The following PEX5L variants were observed in gnomAD, a reference collection of about 807,000 sequenced individuals.
The protein encoded by PEX5L is PEX5-related protein.
Under a neutral mutation model 84.0 loss-of-function variants are expected in PEX5L, and 30 were observed. That is an observed-to-expected ratio of 0.36 (90% confidence interval 0.27 to 0.48). The LOEUF is 0.48. Ranked by LOEUF, PEX5L falls within the 20% of genes least tolerant of loss-of-function variation. The pLI is 0.99. For synonymous variants in PEX5L, 270 were observed against 283.1 expected, an observed-to-expected ratio of 0.95 and a Z score of 0.46; for missense variants, 533 against 754.6, an observed-to-expected ratio of 0.71 and a Z score of 3.44.
At chr3:179,871,215 G>T (rs1467185267) in intron 7 of PEX5L, among the ~76,000 whole-genome samples, 1 of 146,926 alleles carries the variant, frequency 6.8e-6, no homozygotes, top group African/African-American at 2.5e-5. Flanking sequence ...CAATTTTCAT[G>T]CCTCAGCCTC....
chr3:179,972,835 A>G (rs1785105017), intron 1 of PEX5L, among the ~76,000 whole-genome samples: 1 of 152,046 alleles, frequency 6.6e-6, no homozygotes, highest in East Asian at 1.9e-4. Context: ...TTACTGTAAT[A>G]AAGAGATTTC....
chr3:180,027,263 G>T (rs141583561), intron 1 of PEX5L, among the ~76,000 whole-genome samples: 5 of 152,170 alleles, frequency 3.3e-5, no homozygotes, highest in Admixed American at 3.3e-4. Context: ...CTCTGCCCCT[G>T]CCTGTTCCCT....
intron 2 of PEX5L, among the ~76,000 whole-genome samples, chr3:179,934,428 C>A (rs942034589): frequency 3.7e-4 from 57 of 152,154 alleles, no homozygotes; most frequent in African/African-American, 1.3e-3. Context: ...GCACTAAGAA[C>A]CTTCATGAAC....
At chr3:180,024,259 C>T (rs1035109696) in intron 1 of PEX5L, among the ~76,000 whole-genome samples, 53 of 150,126 alleles carry the variant, frequency 3.5e-4, no homozygotes, top group Admixed American at 1.9e-3. Context: ...TAACTGTGCC[C>T]GGCACTTTGG....
chr3:179,871,101 T>TTC (rs1491524123), intron 7 of PEX5L, among the ~76,000 whole-genome samples: 19 of 23,566 alleles, frequency 8.1e-4, no homozygotes, highest in African/African-American at 4.9e-3. Context: ...TGAGTTATAC[T>TTC]TTTTTTTTTT....
intron 1 of PEX5L, among the ~76,000 whole-genome samples, chr3:180,007,876 A>G (rs1789067184): frequency 6.6e-6 from 1 of 152,060 alleles, no homozygotes; most frequent in Non-Finnish European, 1.5e-5. Context: ...CCATGAGGCC[A>G]CCTTTTCTTC....
intron 8 of PEX5L, among the ~76,000 whole-genome samples, chr3:179,829,610 C>A (rs370724790): frequency 5.7e-4 from 87 of 152,206 alleles, no homozygotes; most frequent in Non-Finnish European, 1.2e-3. Context: ...CACCCGGGGG[C>A]GGCATTTATA....
At chr3:179,847,239 TATTG>T (rs1560356125) in intron 8 of PEX5L, among the ~76,000 whole-genome samples, 1 of 152,080 alleles carries the variant, frequency 6.6e-6, no homozygotes, top group Non-Finnish European at 1.5e-5. Context: ...GATATCTGTA[TATTG>T]ATTGATATAT....
intron 1 of PEX5L, among the ~76,000 whole-genome samples, chr3:179,994,361 C>G (rs140954972): frequency 4.6e-5 from 7 of 152,196 alleles, no homozygotes; most frequent in Non-Finnish European, 8.8e-5. Flanking sequence ...TGTGTGATGT[C>G]TTCTGGTTGT....
At chr3:179,979,278 A>G (rs542013258) in intron 1 of PEX5L, among the ~76,000 whole-genome samples, 1 of 152,320 alleles carries the variant, frequency 6.6e-6, no homozygotes, top group South Asian at 2.1e-4. Context: ...ATGTTCTTCT[A>G]AACAGAAAAT....
chr3:179,830,464 G>A (rs1250903528), intron 8 of PEX5L, among the ~76,000 whole-genome samples: 1 of 152,152 alleles, frequency 6.6e-6, no homozygotes, highest in Non-Finnish European at 1.5e-5. Flanking sequence ...TGAAAAGCTG[G>A]AGGGAGCTTC....
chr3:179,949,359 C>G (rs1381628862), intron 2 of PEX5L, among the ~76,000 whole-genome samples: 1 of 151,970 alleles, frequency 6.6e-6, no homozygotes. Context: ...TTTGTCTTGC[C>G]TTTGTTTTTG....
intron 11 of PEX5L, among the ~76,000 whole-genome samples, chr3:179,810,542 T>C (rs972684794): frequency 2.0e-5 from 3 of 151,868 alleles, no homozygotes; most frequent in African/African-American, 7.3e-5. Flanking sequence ...ATCTGGGGTG[T>C]CTTATAAAAT....
At chr3:179,816,799 C>A (rs1423753941) in intron 9 of PEX5L, among the ~76,000 whole-genome samples, 5 of 148,316 alleles carry the variant, frequency 3.4e-5, no homozygotes, top group Admixed American at 3.3e-4. Context: ...ATTTAAATTT[C>A]TGCTTTTCCT....
At position 179,816,732 on chromosome 3, in the gene PEX5L, A is replaced by G. The variant is rs142059425; in HGVS notation, c.940-728T>C. 5.0e-3 allele frequency among the ~76,000 whole-genome samples: 756 copies of G among 152,298 alleles called. 1 individual carries two copies. The highest frequency in any genetic ancestry group is 8.2e-3 in the Non-Finnish European group (555 of 68,030). On this transcript the variant is annotated intron_variant, in intron 9 of 14. Coordinates refer to ENST00000467460, the MANE Select transcript of PEX5L (RefSeq NM_016559.3). Reference sequence around the variant, plus strand: ...GCACAGGTATCTCAGAACTTAAAGCATAATAAACAATTTTAAATTAAATTT... The same window carrying G: ...GCACAGGTATCTCAGAACTTAAAGCGTAATAAACAATTTTAAATTAAATTT...
chr3:180,036,497 C>G, intron 1 of PEX5L, 82 bp downstream of exon 1: 1 of 1,326,758 alleles, frequency 7.5e-7, no homozygotes, highest in Non-Finnish European at 1.1e-6. Context: ...GAAGGCAGCA[C>G]TTGACCACAG....
chr3:179,974,256 A>G, intron 1 of PEX5L: 4 of 923,584 alleles, frequency 4.3e-6, no homozygotes, highest in Non-Finnish European at 5.2e-6. Flanking sequence ...CCACCTTCCA[A>G]GTGTGAGGGG....
intron 4 of PEX5L, among the ~76,000 whole-genome samples, chr3:179,884,786 A>G (rs13092683): frequency 0.15 from 22,863 of 152,072 alleles, 1,843 homozygotes; most frequent in South Asian, 0.31. Context: ...CAGTTTGGAT[A>G]GTCCAAGGAA....
intron 2 of PEX5L, chr3:179,900,584 G>T: frequency 1.1e-6 from 1 of 937,028 alleles, no homozygotes; most frequent in Non-Finnish European, 1.6e-6. Context: ...CTTTCATGCT[G>T]AACTCTAGAA....
Sources: gnomAD v4.1 joint callset for allele counts (sites outside exome capture counted in the v4.1 genomes callset) on GRCh38, gnomAD v4.1.1 for gene constraint, MANE v1.5 for transcripts, NCBI Gene and HGNC (gene_info 2026-07-23, HGNC 2026-07-21) for gene names.